The following ADGRV1 variants were observed in gnomAD, a reference collection of about 807,000 sequenced individuals.
The protein encoded by ADGRV1 is G-protein coupled receptor 98.
A neutral mutation model predicts 596.2 loss-of-function variants in ADGRV1; 359 were observed. The ratio of observed to expected loss-of-function variants is 0.60; its 90% CI spans 0.55 to 0.66. The LOEUF (loss-of-function observed/expected upper bound fraction) is 0.66, where lower values mean the gene tolerates loss of function less well. ADGRV1 is among the 30% of genes least tolerant of loss of function. The pLI, the probability that ADGRV1 is intolerant of heterozygous loss-of-function variation, is 0.00. For synonymous variants in ADGRV1, 2,681 were observed against 2,679.2 expected (o/e 1.00, Z -0.02); for missense variants, 7,274 against 7,575.6 (o/e 0.96, Z 1.48).
intron 1 of ADGRV1, among the ~76,000 whole-genome samples, chr5:90,580,020 G>A (rs1757782131): frequency 6.6e-6 from 1 of 151,978 alleles, no homozygotes; most frequent in African/African-American, 2.4e-5. Context: ...CACATGAGAT[G>A]GGTCTCCTGA....
At position 90,931,036 on chromosome 5, in the gene ADGRV1, G is replaced by C. The variant is rs1320634842; in HGVS notation, c.17857-34379G>C. 4 of 152,300 alleles carry C rather than the reference G, an allele frequency of 2.6e-5. No homozygotes were observed. The East Asian group carries it at 7.7e-4, about 29-fold the overall frequency. The allele number at this position is 152,300 out of a possible 1,614,324, so 9.4% of individuals were successfully genotyped here. On this transcript the variant is annotated intron_variant, in intron 83 of 89. Transcript: ENST00000405460. ...GTTCATCCCAAGGTGACTCGGAATA[G>C]ATGACACCAAAGCTGAAAGATTTGT... is the stretch of plus-strand genomic sequence containing the variant.
chr5:91,083,932 G>A (rs1381694862), intron 86 of ADGRV1, among the ~76,000 whole-genome samples: 1 of 152,086 alleles, frequency 6.6e-6, no homozygotes, highest in Non-Finnish European at 1.5e-5. Flanking sequence ...CAACATGAGA[G>A]AAATAAATAT....
chr5:90,864,818 A>G (rs971091741), intron 83 of ADGRV1, among the ~76,000 whole-genome samples: 1 of 152,122 alleles, frequency 6.6e-6, no homozygotes, highest in East Asian at 1.9e-4. Flanking sequence ...ACTTTTCTGG[A>G]TGGGGAGACA....
chr5:90,753,538 C>A (rs1349957922), intron 53 of ADGRV1, 36 bp from the exon 54 acceptor site: 4 of 1,499,324 alleles, frequency 2.7e-6, no homozygotes, highest in Non-Finnish European at 3.7e-6. Flanking sequence ...GTGACAATTA[C>A]AAAATAAATA....
chr5:90,580,065 A>G (rs1233424748), intron 1 of ADGRV1, among the ~76,000 whole-genome samples: 1 of 152,010 alleles, frequency 6.6e-6, no homozygotes, highest in Non-Finnish European at 1.5e-5. Context: ...CTCTTTATTC[A>G]ATTTGCTAGT....
chr5:91,012,498 A>G (rs2151153253), intron 85 of ADGRV1, among the ~76,000 whole-genome samples: 1 of 151,958 alleles, frequency 6.6e-6, no homozygotes, highest in Non-Finnish European at 1.5e-5. Context: ...CCCTATGAAT[A>G]GCTATTTATT....
chr5:90,982,648 C>T (rs1440915148), intron 84 of ADGRV1, among the ~76,000 whole-genome samples: 1 of 152,220 alleles, frequency 6.6e-6, no homozygotes, highest in Admixed American at 6.5e-5. Context: ...TGCTTCACTG[C>T]CCTCATGGCT....
chr5:90,656,920 A>G (rs891182178), intron 20 of ADGRV1, among the ~76,000 whole-genome samples: 1 of 152,186 alleles, frequency 6.6e-6, no homozygotes, highest in South Asian at 2.1e-4. Flanking sequence ...ATTATTTTTA[A>G]AAGTCCCCAA....
At chr5:90,975,250 G>T (rs1312165108) in intron 84 of ADGRV1, among the ~76,000 whole-genome samples, 2 of 152,098 alleles carry the variant, frequency 1.3e-5, no homozygotes. Flanking sequence ...TACACTGTTG[G>T]TGGGACTGTA....
chr5:91,048,278 T>A lies in ADGRV1; in HGVS notation c.18153-24169T>A, dbSNP rs190350831. 7.2e-5 allele frequency among the ~76,000 whole-genome samples: 11 copies of A among 152,368 alleles called. No homozygotes were observed. The East Asian group carries it at 1.9e-3, about 27-fold the overall frequency. On this transcript the variant is annotated intron_variant, in intron 85 of 89. Transcript: ENST00000405460. The stretch of plus-strand genomic sequence containing the variant: ...TCTGCCTGTCTCTGCTGAGGCCTAA[T>A]GGCCCTTCCAGAAGGTTCTATCAGA...
intron 83 of ADGRV1, among the ~76,000 whole-genome samples, chr5:90,886,567 A>G (rs1056515097): frequency 1.3e-5 from 2 of 152,152 alleles, no homozygotes; most frequent in Non-Finnish European, 2.9e-5. Flanking sequence ...TTAAGCTTTA[A>G]CCATTTTTGT....
chr5:91,134,474 G>A (rs1021886933), intron 87 of ADGRV1, among the ~76,000 whole-genome samples: 1 of 152,132 alleles, frequency 6.6e-6, no homozygotes, highest in Non-Finnish European at 1.5e-5. Flanking sequence ...GATTATAGAC[G>A]TGAGCCACTG....
intron 85 of ADGRV1, among the ~76,000 whole-genome samples, chr5:91,057,924 T>C (rs774373597): frequency 1.3e-5 from 2 of 152,170 alleles, no homozygotes; most frequent in African/African-American, 2.4e-5. Flanking sequence ...TACTAGTGAG[T>C]ATTATACTTA....
chr5:90,630,224 C>T (rs1765322831), intron 9 of ADGRV1: 1 of 152,112 alleles, frequency 6.6e-6, no homozygotes, highest in Non-Finnish European at 1.5e-5. Context: ...GTCTTAAACT[C>T]CTGACCTCAG....
rs1288136327 is a variant in ADGRV1, at chr5:90,658,006, G to A, written c.4480G>A (p.Glu1494Lys). ...RSYERKLTLE[E>K]IYELHAMPAK... is the part of the protein sequence containing the mutation. ...CTATGAGCGGAAACTGACGCTTGAA[G>A]AAATTTATGAACTTCATGCCATGCC... The change falls in exon 21 of 90, where the codon GAA (glutamate) becomes AAA (lysine). Residue 1494 changes from glutamate (E) to lysine (K), a missense_variant. Transcript: ENST00000405460. 1 of 1,613,952 alleles carries A rather than the reference G, an allele frequency of 6.2e-7. No individual in the cohort carries two copies. The highest frequency in any genetic ancestry group is 8.5e-7 in the Non-Finnish European group (1 of 1,179,868).
At chr5:90,970,395 G>GT (rs1429162287) in intron 84 of ADGRV1, among the ~76,000 whole-genome samples, 3 of 152,144 alleles carry the variant, frequency 2.0e-5, no homozygotes, top group Non-Finnish European at 4.4e-5. Context: ...CCAGCACAGA[G>GT]TTTGAGATCT....
Position 91,096,404 on chromosome 5 carries a change from A to G in ADGRV1, c.18311-5815A>G, listed in dbSNP as rs1582043923. 2.0e-5 allele frequency among the ~76,000 whole-genome samples: 3 copies of G among 152,252 alleles called. No individual in the cohort carries two copies. The South Asian group carries it at 6.2e-4, about 31-fold the overall frequency. ...AATAAAGAGATGTGATGTAATCTCA[A>G]TGGAATCTACTAACTCCCATGAGTA... On this transcript the variant is annotated intron_variant, in intron 86 of 89. Transcript: ENST00000405460.
chr5:90,887,358 T>G (rs1188768153), intron 83 of ADGRV1, among the ~76,000 whole-genome samples: 1 of 152,152 alleles, frequency 6.6e-6, no homozygotes, highest in Admixed American at 6.5e-5. Context: ...TCACTCTATT[T>G]CACTCTATTT....
At chr5:90,883,045 C>T (rs950545324) in intron 83 of ADGRV1, among the ~76,000 whole-genome samples, 1 of 152,022 alleles carries the variant, frequency 6.6e-6, no homozygotes, top group Non-Finnish European at 1.5e-5. Context: ...AAAATTCAGT[C>T]TCTACCTTGA....
Sources: gnomAD v4.1 joint callset for allele counts (sites outside exome capture counted in the v4.1 genomes callset) on GRCh38, gnomAD v4.1.1 for gene constraint, MANE v1.5 for transcripts, NCBI Gene and HGNC (gene_info 2026-07-23, HGNC 2026-07-21) for gene names.